HIVEP1: variants seen among roughly 807,000 people sequenced by gnomAD.
The protein encoded by HIVEP1 is zinc finger protein 40.
Under a neutral mutation model 180.0 loss-of-function variants are expected in HIVEP1, and 36 were observed. The ratio of observed to expected loss-of-function variants is 0.20; its 90% CI spans 0.15 to 0.26. The LOEUF (loss-of-function observed/expected upper bound fraction) is 0.26, where lower values mean the gene tolerates loss of function less well. HIVEP1 is among the 10% of genes least tolerant of loss of function. The pLI is 1.00. For missense variants in HIVEP1, 3,143 were observed against 3,268.7 expected (o/e 0.96, Z 0.94); for synonymous variants, 1,239 against 1,239.0 (o/e 1.00, Z 0.00).
chr6:12,052,668 G>C (rs759682151), intron 2 of HIVEP1, among the ~76,000 whole-genome samples: 4 of 152,170 alleles, frequency 2.6e-5, no homozygotes, highest in Non-Finnish European at 4.4e-5. Flanking sequence ...CTCTTGCCTT[G>C]TATCATGTAC....
At chr6:12,186,312 A>G in the HIVEP1 span, among the ~76,000 whole-genome samples, 1 of 151,146 alleles carries the variant, frequency 6.6e-6, no homozygotes, top group Non-Finnish European at 1.5e-5. Flanking sequence ...AAACTAGAAA[A>G]AATGCTAAGT....
At chr6:12,095,530 A>C (rs1773735002) in intron 3 of HIVEP1, among the ~76,000 whole-genome samples, 1 of 122,622 alleles carries the variant, frequency 8.2e-6, no homozygotes, top group Admixed American at 1.1e-4. Context: ...GATCTTATTT[A>C]TTTTTAGTAA....
intron 2 of HIVEP1, among the ~76,000 whole-genome samples, chr6:12,031,257 C>T (rs1768922860): frequency 6.6e-6 from 1 of 152,160 alleles, no homozygotes; most frequent in Non-Finnish European, 1.5e-5. Context: ...CTTATGTCTT[C>T]TTTGTGTGTG....
chr6:12,205,052 G>C, the HIVEP1 span, among the ~76,000 whole-genome samples: 4 of 152,280 alleles, frequency 2.6e-5, no homozygotes, highest in South Asian at 8.3e-4. Context: ...TGGAGCAGAG[G>C]TGTTGAGGGG....
rs373744044 is a variant in HIVEP1, at chr6:12,099,183, G to GGTTTTTTTTTTTTTTTTTTTTTT, written c.94+9946_94+9947insGTTTTTTTTTTTTTTTTTTTTTT. On this transcript the variant is annotated intron_variant, in intron 3 of 8. Transcript: ENST00000379388. ...AGGAGCCAGAGGGAAATGTCACTGAGTTTTTTTTTTTTTTTTGAGACGGAG... is the reference window on the plus strand; with the variant it reads ...AGGAGCCAGAGGGAAATGTCACTGAGGTTTTTTTTTTTTTTTTTTTTTTTTTTTTTTTTTTTTTTGAGACGGAG... Among the ~76,000 whole-genome samples, 34 of 138,438 alleles carry GGTTTTTTTTTTTTTTTTTTTTTT rather than the reference G, an allele frequency of 2.5e-4. 2 individuals carry two copies. The highest frequency in any genetic ancestry group is 8.8e-4 in the African/African-American group (32 of 36,556). The allele number at this position is 138,438 out of a possible 152,430, so 90.8% of individuals were successfully genotyped here. A position where few individuals can be genotyped will look rare whatever the true frequency, so the allele number is the denominator to read the frequency against.
downstream of HIVEP1, among the ~76,000 whole-genome samples, chr6:12,165,485 A>G (rs1417674645): frequency 1.3e-5 from 2 of 152,170 alleles, no homozygotes; most frequent in Non-Finnish European, 2.9e-5. Context: ...AGAGTGTCCA[A>G]GATTACCGAA....
At chr6:12,099,092 G>T (rs1773945760) in intron 3 of HIVEP1, among the ~76,000 whole-genome samples, 2 of 152,156 alleles carry the variant, frequency 1.3e-5, no homozygotes, top group African/African-American at 4.8e-5. Flanking sequence ...CTGATCTGCG[G>T]TGGGAGGTGG....
At chr6:12,008,313 A>G (rs1421767595), upstream of HIVEP1, 1 of 152,220 alleles carries the variant, frequency 6.6e-6, no homozygotes, top group Non-Finnish European at 1.5e-5. Flanking sequence ...AATAATATTT[A>G]CCTTCCAAAC....
In HIVEP1 at chr6:12,135,876, G is replaced by C; in HGVS notation, c.6471G>C (p.Gln2157His). ...TCTCAGTAGGTTTAATAGATGAACA[G>C]GATACAGAAGAATCAGGTAAGGCTT... is the stretch of plus-strand genomic sequence containing the variant. Reference protein sequence around the residue: ...LGVSVGLIDEQDTEESDEKQR... With the variant: ...LGVSVGLIDEHDTEESDEKQR... The change falls in exon 7 of 9, where the codon CAG (glutamine) becomes CAC (histidine). Residue 2157 changes from glutamine (Q) to histidine (H), a missense_variant. Gln to His is a conservative substitution (Grantham distance 24). This residue lies in a region of HIVEP1 where 126 missense variants were observed against 168.5 expected (regional missense o/e 0.75). Transcript: ENST00000379388. 1 of 1,601,526 alleles carries C rather than the reference G, an allele frequency of 6.2e-7. No homozygotes were observed. Among genetic ancestry groups the C allele is most frequent in the Non-Finnish European group, 8.6e-7 (1 of 1,168,932 alleles).
At chr6:12,167,659 T>C (rs1395278574), downstream of HIVEP1, among the ~76,000 whole-genome samples, 1 of 98,668 alleles carries the variant, frequency 1.0e-5, no homozygotes, top group African/African-American at 3.3e-5. Context: ...ATATATGTTA[T>C]ATATACATAT....
At chr6:12,055,281 T>G (rs1241723661) in intron 2 of HIVEP1, among the ~76,000 whole-genome samples, 1 of 152,170 alleles carries the variant, frequency 6.6e-6, no homozygotes, top group African/African-American at 2.4e-5. Flanking sequence ...GAGACCATCC[T>G]GGCCAACACG....
intron 2 of HIVEP1, among the ~76,000 whole-genome samples, chr6:12,049,690 A>T (rs1284038967): frequency 2.0e-5 from 3 of 152,242 alleles, no homozygotes; most frequent in Non-Finnish European, 4.4e-5. Flanking sequence ...TGATTTACAG[A>T]TGACTCAAAC....
chr6:12,124,768 TAC>T lies in HIVEP1; in HGVS notation c.4974_4975del (p.Leu1659SerfsTer14). On this transcript the variant is annotated frameshift_variant, in exon 4 of 9. Transcript: ENST00000379388. LOFTEE classifies it high-confidence loss of function. ...GCTACACTCACATCCCTGCCACAAA[TAC>T]TAGTGACCCAAGATCTGCCCAATCA... is the stretch of plus-strand genomic sequence containing the variant. 1 of 1,614,166 alleles carries T rather than the reference TAC, an allele frequency of 6.2e-7. No homozygotes were observed. The highest frequency in any genetic ancestry group is 8.5e-7 in the Non-Finnish European group (1 of 1,180,026).
At chr6:12,177,245 C>G in the HIVEP1 span, among the ~76,000 whole-genome samples, 2 of 152,130 alleles carry the variant, frequency 1.3e-5, no homozygotes, top group African/African-American at 4.8e-5. Flanking sequence ...ATGAAATAAT[C>G]TGTACAACAA....
Position 12,125,440 on chromosome 6 carries a change from A to G in HIVEP1, c.5645A>G (p.His1882Arg), listed in dbSNP as rs1299969820. ...TCACCTGCTCCTTCAGAAAATACTC[A>G]TATTTCTCCTTTGAAATGTACAGAC... is the stretch of plus-strand genomic sequence containing the variant. ...RSSPAPSENT[H>R]ISPLKCTDNN... Residue 1882 changes from histidine (H) to arginine (R), a missense_variant, in exon 4 of 9, where the codon CAT becomes CGT. His to Arg is a conservative substitution (Grantham distance 29). Coordinates refer to ENST00000379388, the MANE Select transcript of HIVEP1 (RefSeq NM_002114.4). 1 of 1,614,154 alleles carries G rather than the reference A, an allele frequency of 6.2e-7. No homozygotes were observed. The highest frequency in any genetic ancestry group is 1.1e-5 in the South Asian group (1 of 91,086).
intron 2 of HIVEP1, among the ~76,000 whole-genome samples, chr6:12,078,722 A>ATATATATATATATC (rs1772562060): frequency 6.6e-6 from 1 of 151,562 alleles, no homozygotes; most frequent in Non-Finnish European, 1.5e-5. Flanking sequence ...ACACACACAT[A>ATATATATATATATC]TATATATACT....
chr6:12,016,586 T>C (rs945447434), intron 2 of HIVEP1, among the ~76,000 whole-genome samples: 1 of 152,208 alleles, frequency 6.6e-6, no homozygotes, highest in Non-Finnish European at 1.5e-5. Context: ...GAAAATGCAG[T>C]CAATTTTATG....
chr6:12,046,845 C>CTGTGTGTGTTTGTGTGTG (rs1770156498), intron 2 of HIVEP1, among the ~76,000 whole-genome samples: 1 of 141,006 alleles, frequency 7.1e-6, no homozygotes, highest in East Asian at 2.2e-4. Context: ...TGCCACTACA[C>CTGTGTGTGTTTGTGTGTG]TGTGTGTGTG....
chr6:12,100,770 C>A (rs1198428453), intron 3 of HIVEP1, among the ~76,000 whole-genome samples: 2 of 152,102 alleles, frequency 1.3e-5, no homozygotes, highest in Non-Finnish European at 2.9e-5. Flanking sequence ...AATCTGAAAT[C>A]TAAAGTGCTT....
Sources: gnomAD v4.1 joint callset for allele counts (sites outside exome capture counted in the v4.1 genomes callset) on GRCh38, gnomAD v4.1.1 for gene constraint, gnomAD v4.1.1 regional missense constraint, MANE v1.5 for transcripts, NCBI Gene and HGNC (gene_info 2026-07-23, HGNC 2026-07-21) for gene names.